Variants in TNFSF4 observed in about 807,000 individuals in gnomAD.
TNFSF4 encodes the protein TNF superfamily member 4.
TNFSF4 carries 4 observed loss-of-function variants against 7.3 expected under a neutral mutation model. That is an observed-to-expected ratio of 0.55 (90% CI 0.27 to 1.25). TNFSF4 has a LOEUF of 1.25. Among genes scored for constraint, TNFSF4 ranks in the 50% most tolerant of loss-of-function variants. The pLI, the probability that TNFSF4 is intolerant of heterozygous loss-of-function variation, is 0.12. For missense variants in TNFSF4, 181 were observed against 208.8 expected (o/e 0.87, Z 0.82); for synonymous variants, 76 against 83.7 (o/e 0.91, Z 0.50).
chr1:173,365,122 C>A, the TNFSF4 span, among the ~76,000 whole-genome samples: 1 of 150,740 alleles, frequency 6.6e-6, no homozygotes, highest in Non-Finnish European at 1.5e-5. Flanking sequence ...AAGAATGCAT[C>A]ATTCTTAGGT....
At chr1:173,402,775 T>C in the TNFSF4 span, among the ~76,000 whole-genome samples, 2 of 152,096 alleles carry the variant, frequency 1.3e-5, no homozygotes, top group East Asian at 3.9e-4. Context: ...AACAATCCCC[T>C]GGAGGGCTTG....
chr1:173,377,223 C>T, the TNFSF4 span, among the ~76,000 whole-genome samples: 1 of 152,192 alleles, frequency 6.6e-6, no homozygotes, highest in East Asian at 1.9e-4. Context: ...CCATTGGACC[C>T]CTTTCACTTG....
the TNFSF4 span, among the ~76,000 whole-genome samples, chr1:173,263,051 G>C: frequency 2.6e-5 from 4 of 152,242 alleles, no homozygotes; most frequent in East Asian, 1.9e-4. Flanking sequence ...GCTGCAAAAA[G>C]AATAAAATAC....
the TNFSF4 span, among the ~76,000 whole-genome samples, chr1:173,378,882 C>CA: frequency 1.1e-5 from 1 of 91,774 alleles, no homozygotes; most frequent in African/African-American, 3.7e-5. Flanking sequence ...CCCCCTCCCC[C>CA]CCCACCACAG....
At chr1:173,338,681 T>C in the TNFSF4 span, among the ~76,000 whole-genome samples, 1 of 152,130 alleles carries the variant, frequency 6.6e-6, no homozygotes, top group Admixed American at 6.5e-5. Flanking sequence ...GTGGCACCAC[T>C]CACTATCACT....
the TNFSF4 span, among the ~76,000 whole-genome samples, chr1:173,244,811 T>C: frequency 3.9e-5 from 6 of 152,142 alleles, no homozygotes; most frequent in African/African-American, 1.2e-4. Flanking sequence ...ATAATCTGAA[T>C]AACTTTTTGC....
chr1:173,237,979 G>A, the TNFSF4 span, among the ~76,000 whole-genome samples: 2 of 152,126 alleles, frequency 1.3e-5, no homozygotes, highest in Non-Finnish European at 2.9e-5. Flanking sequence ...AACAAAGCTA[G>A]GGTAATCACA....
the TNFSF4 span, among the ~76,000 whole-genome samples, chr1:173,417,155 G>A: frequency 2.0e-5 from 3 of 152,210 alleles, no homozygotes; most frequent in Non-Finnish European, 4.4e-5. Flanking sequence ...ATAATGCAGA[G>A]GAATGGTGCA....
the TNFSF4 span, among the ~76,000 whole-genome samples, chr1:173,416,638 T>TATTTATTTATTTTTTTTTTGAGA: frequency 5.4e-4 from 59 of 110,140 alleles, no homozygotes; most frequent in Admixed American, 1.0e-3. Context: ...ATTTATTTTT[T>TATTTATTTATTTTTTTTTTGAGA]GAGAGAGAGA....
chr1:173,305,220 T>C, the TNFSF4 span, among the ~76,000 whole-genome samples: 1 of 151,966 alleles, frequency 6.6e-6, no homozygotes, highest in African/African-American at 2.4e-5. Context: ...GCAAAAACAG[T>C]CACAATTTTG....
chr1:173,369,631 C>A, the TNFSF4 span, among the ~76,000 whole-genome samples: 1 of 152,108 alleles, frequency 6.6e-6, no homozygotes, highest in African/African-American at 2.4e-5. Context: ...CCTTGAAATG[C>A]ATCCTAAGCC....
the TNFSF4 span, among the ~76,000 whole-genome samples, chr1:173,402,293 C>T: frequency 6.6e-6 from 1 of 152,108 alleles, no homozygotes; most frequent in African/African-American, 2.4e-5. Flanking sequence ...TTGGAGAAGC[C>T]ACTTCACCTA....
chr1:173,182,585 A>G (rs1466829815), downstream of TNFSF4, among the ~76,000 whole-genome samples: 1 of 152,230 alleles, frequency 6.6e-6, no homozygotes, highest in East Asian at 1.9e-4. Context: ...TGTTGAGACA[A>G]TGGAAATAAC....
At chr1:173,418,016 G>A in the TNFSF4 span, 1 of 150,666 alleles carries the variant, frequency 6.6e-6, no homozygotes, top group Non-Finnish European at 1.5e-5. Context: ...TAAGTTAAGA[G>A]AAGAGCCCCT....
intron 2 of TNFSF4, among the ~76,000 whole-genome samples, chr1:173,187,962 A>T (rs1649302974): frequency 6.6e-6 from 1 of 152,188 alleles, no homozygotes; most frequent in Non-Finnish European, 1.5e-5. Context: ...AGGACCACTT[A>T]TGGAGGACAA....
At chr1:173,186,937 T>G (rs1202213741) in intron 2 of TNFSF4, 72 bp from the exon 3 acceptor site, 12 of 1,015,704 alleles carry the variant, frequency 1.2e-5, no homozygotes, top group Non-Finnish European at 1.3e-5. Context: ...TTCCAATACA[T>G]CTGGAATCAG....
chr1:173,386,711 C>T, the TNFSF4 span, among the ~76,000 whole-genome samples: 1 of 152,172 alleles, frequency 6.6e-6, no homozygotes, highest in Non-Finnish European at 1.5e-5. Context: ...GACTCCAACT[C>T]CGAGAGAAGC....
the TNFSF4 span, among the ~76,000 whole-genome samples, chr1:173,387,616 A>G: frequency 2.0e-5 from 3 of 152,188 alleles, no homozygotes; most frequent in Non-Finnish European, 4.4e-5. Flanking sequence ...CTGATAGTCA[A>G]TTGAGATCAT....
the TNFSF4 span, among the ~76,000 whole-genome samples, chr1:173,265,450 T>C: frequency 6.6e-6 from 1 of 152,234 alleles, no homozygotes; most frequent in Non-Finnish European, 1.5e-5. Flanking sequence ...GTAGACTCAA[T>C]AGAAATTAGC....
Sources: gnomAD v4.1 joint callset for allele counts (sites outside exome capture counted in the v4.1 genomes callset) on GRCh38, gnomAD v4.1.1 for gene constraint, MANE v1.5 for transcripts, NCBI Gene and HGNC (gene_info 2026-07-23, HGNC 2026-07-21) for gene names.